The following TLL2 variants were observed in gnomAD, a reference collection of about 807,000 sequenced individuals.
TLL2 encodes tolloid-like protein 2.
TLL2 carries 106 observed loss-of-function variants against 123.0 expected under a neutral mutation model. The ratio of observed to expected loss-of-function variants is 0.86; its 90% CI spans 0.74 to 1.01. The LOEUF (loss-of-function observed/expected upper bound fraction) is 1.01. TLL2 is among the 50% of genes least tolerant of loss of function. The pLI, the probability that TLL2 is intolerant of heterozygous loss-of-function variation, is 0.00. For synonymous variants in TLL2, 494 were observed against 516.8 expected (o/e 0.96, Z 0.60); for missense variants, 1,332 against 1,336.7 (o/e 1.00, Z 0.06).
intron 3 of TLL2, among the ~76,000 whole-genome samples, chr10:96,443,916 A>G (rs1846871899): frequency 6.6e-6 from 1 of 152,206 alleles, no homozygotes; most frequent in Non-Finnish European, 1.5e-5. Context: ...TAAGAAACAA[A>G]TGCAGATTAG....
At chr10:96,408,751 T>C (rs1846474439) in intron 9 of TLL2, among the ~76,000 whole-genome samples, 1 of 152,228 alleles carries the variant, frequency 6.6e-6, no homozygotes, top group Admixed American at 6.5e-5. Context: ...AAATGCACGT[T>C]AAAATGTCTA....
intron 4 of TLL2, 40 bp from the exon 5 acceptor site, chr10:96,428,788 C>A: frequency 7.5e-7 from 1 of 1,332,972 alleles, no homozygotes; most frequent in Non-Finnish European, 1.1e-6. Flanking sequence ...AATGATGGGT[C>A]CATATTTTCT....
chr10:96,376,822 G>A lies in TLL2; in HGVS notation c.2321-3C>T. 6.6e-7 allele frequency: 1 copy of A among 1,516,842 alleles called. No homozygotes were observed. 94.0% of individuals were successfully genotyped at this position (1,516,842 alleles called of 1,614,324 possible). On this transcript the variant is annotated splice_polypyrimidine_tract_variant and splice_region_variant and intron_variant, in intron 17 of 20. Transcript: ENST00000357947. ...GCTGATCTTGTGTGCACAGCCAGCT[G>A]GGGGTGGCAGGGGGACACATACAAA...
In TLL2 at chr10:96,500,115, A is replaced by G. The variant is rs28689614; in HGVS notation, c.175+13396T>C. On this transcript the variant is annotated intron_variant, in intron 1 of 20. Coordinates refer to ENST00000357947, the MANE Select transcript of TLL2 (RefSeq NM_012465.4). ...GGCCAACATGATTTAAAAAAAAAAA[A>G]AAAAAGAAAAAGAAAAAAAAATCTC... Among the ~76,000 whole-genome samples, 300 of 141,500 alleles carry G rather than the reference A, an allele frequency of 2.1e-3. 2 individuals carry two copies. The highest frequency in any genetic ancestry group is 0.011 in the Middle Eastern group (3 of 280). The allele number at this position is 141,500 out of a possible 152,430, so 92.8% of individuals were successfully genotyped here.
chr10:96,505,883 A>G (rs143244881), intron 1 of TLL2, among the ~76,000 whole-genome samples: 2 of 152,320 alleles, frequency 1.3e-5, no homozygotes, highest in African/African-American at 4.8e-5. Context: ...CAGAGTTTCT[A>G]TTAACGGCAT....
chr10:96,402,377 T>C (rs1846405078), intron 10 of TLL2, among the ~76,000 whole-genome samples: 1 of 152,190 alleles, frequency 6.6e-6, no homozygotes, highest in Non-Finnish European at 1.5e-5. Flanking sequence ...TCTGACCCAA[T>C]TTGTGGGGAT....
intron 1 of TLL2, among the ~76,000 whole-genome samples, chr10:96,487,981 C>A (rs905328343): frequency 2.0e-5 from 3 of 152,194 alleles, no homozygotes; most frequent in African/African-American, 7.2e-5. Flanking sequence ...AATCAGATAG[C>A]CCCCAGCTCA....
chr10:96,478,348 C>T (rs1847279657), intron 2 of TLL2, among the ~76,000 whole-genome samples: 2 of 152,244 alleles, frequency 1.3e-5, no homozygotes, highest in South Asian at 4.1e-4. Flanking sequence ...CCTGCACAGA[C>T]ACCACTCCTG....
At chr10:96,409,797 C>G (rs994917648) in intron 9 of TLL2, among the ~76,000 whole-genome samples, 2 of 152,184 alleles carry the variant, frequency 1.3e-5, no homozygotes, top group African/African-American at 4.8e-5. Flanking sequence ...CAGCTCTGAG[C>G]CCATTGCCAG....
intron 2 of TLL2, among the ~76,000 whole-genome samples, chr10:96,454,005 G>A (rs928437465): frequency 6.8e-5 from 9 of 132,088 alleles, no homozygotes; most frequent in Non-Finnish European, 1.5e-4. Context: ...TTTGTAGTGT[G>A]CGCCTGCACA....
chr10:96,422,400 G>C, intron 6 of TLL2, 149 bp downstream of exon 6: 2 of 943,112 alleles, frequency 2.1e-6, no homozygotes, highest in South Asian at 3.3e-5. Context: ...TCAGACTGGT[G>C]AGACGGGCCT....
At chr10:96,476,680 T>A (rs577512394) in intron 2 of TLL2, among the ~76,000 whole-genome samples, 1 of 152,272 alleles carries the variant, frequency 6.6e-6, no homozygotes, top group East Asian at 1.9e-4. Context: ...TCTTCACATT[T>A]ATCTATAATG....
chr10:96,408,423 A>G (rs1400257749), intron 9 of TLL2, among the ~76,000 whole-genome samples: 3 of 152,358 alleles, frequency 2.0e-5, no homozygotes, highest in South Asian at 2.1e-4. Context: ...AGAAATTTCA[A>G]TGATGTATAT....
intron 5 of TLL2, among the ~76,000 whole-genome samples, chr10:96,424,404 A>G (rs1388324594): frequency 6.6e-6 from 1 of 152,212 alleles, no homozygotes. Flanking sequence ...GCATGCCTGT[A>G]TCAAAACATC....
Position 96,369,950 on chromosome 10 carries a change from CCGTTG to C in TLL2, c.2913+110_2913+114del, listed in dbSNP as rs2134049223. Reference sequence around the variant, plus strand: ...CGCTTCTGCAGAACGTGCCTCCTCGCCGTTGCTCCTAAGTGGAGTAGGTGGCCGGG... The same window carrying C: ...CGCTTCTGCAGAACGTGCCTCCTCGCCTCCTAAGTGGAGTAGGTGGCCGGG... On this transcript the variant is annotated intron_variant, in intron 20 of 20. Transcript: ENST00000357947. 3 of 1,407,938 alleles carry C rather than the reference CCGTTG, an allele frequency of 2.1e-6. No homozygotes were observed. In the East Asian group the frequency reaches 7.4e-5, roughly 35 times the overall value. 87.2% of individuals were successfully genotyped at this position (1,407,938 alleles called of 1,614,324 possible). A position where few individuals can be genotyped will look rare whatever the true frequency, so the allele number is the denominator to read the frequency against.
At chr10:96,488,909 G>C (rs1311301883) in intron 1 of TLL2, among the ~76,000 whole-genome samples, 1 of 152,204 alleles carries the variant, frequency 6.6e-6, no homozygotes, top group Non-Finnish European at 1.5e-5. Context: ...ATAAACCAAA[G>C]GCTGCTGTGG....
intron 3 of TLL2, among the ~76,000 whole-genome samples, chr10:96,434,877 A>T (rs1846778079): frequency 6.6e-6 from 1 of 152,030 alleles, no homozygotes; most frequent in South Asian, 2.1e-4. Flanking sequence ...TATTATAGTC[A>T]TCCTAATGGT....
At chr10:96,446,831 T>C (rs902961389) in intron 2 of TLL2, among the ~76,000 whole-genome samples, 1 of 152,178 alleles carries the variant, frequency 6.6e-6, no homozygotes, top group Non-Finnish European at 1.5e-5. Flanking sequence ...TCACCAAATA[T>C]CTGTTTGACC....
chr10:96,510,729 G>GA (rs1847620612), intron 1 of TLL2, among the ~76,000 whole-genome samples: 1 of 152,186 alleles, frequency 6.6e-6, no homozygotes, highest in African/African-American at 2.4e-5. Flanking sequence ...GGTAAAATTA[G>GA]AAATGGTAAA....
Sources: gnomAD v4.1 joint callset for allele counts (sites outside exome capture counted in the v4.1 genomes callset) on GRCh38, gnomAD v4.1.1 for gene constraint, MANE v1.5 for transcripts, NCBI Gene and HGNC (gene_info 2026-07-23, HGNC 2026-07-21) for gene names.